Variants in MAP3K4 observed in about 807,000 individuals in gnomAD.
MAP3K4 encodes mitogen-activated protein kinase kinase kinase 4, also known as MAP three kinase 1.
A neutral mutation model predicts 185.6 loss-of-function variants in MAP3K4; 67 were observed. That is an observed-to-expected ratio of 0.36 (90% CI 0.30 to 0.44). The LOEUF (loss-of-function observed/expected upper bound fraction) is 0.44, where lower values mean the gene tolerates loss of function less well. MAP3K4 is among the 20% of genes least tolerant of loss of function. MAP3K4 has a pLI of 1.00. For missense variants in MAP3K4, 1,551 were observed against 1,995.1 expected, an observed-to-expected ratio of 0.78 and a Z score of 4.24; for synonymous variants, 702 against 710.4, an observed-to-expected ratio of 0.99 and a Z score of 0.19.
At position 161,097,271 on chromosome 6, in the gene MAP3K4, A is replaced by G. The variant is rs1777615212; in HGVS notation, c.3524+95A>G. ...CTACTAGATGCTTGCTCTGAGAGCT[A>G]AATACCTTTTCTGCATTGTTCGTAC... On this transcript the variant is annotated intron_variant, in intron 16 of 26. Coordinates refer to ENST00000392142, the MANE Select transcript of MAP3K4 (RefSeq NM_005922.4). The surrounding 1 kb of genome is among the most constrained non-coding windows in gnomAD (Gnocchi z 4.9). 1.9e-5 allele frequency: 19 copies of G among 1,014,784 alleles called. No individual in the cohort carries two copies. In the South Asian group the frequency reaches 2.6e-4, roughly 14 times the overall value. 62.9% of individuals were successfully genotyped at this position (1,014,784 alleles called of 1,614,324 possible). A position where few individuals can be genotyped will look rare whatever the true frequency, so the allele number is the denominator to read the frequency against.
Position 161,101,721 on chromosome 6 carries a change from A to G in MAP3K4, c.3675-171A>G. 1 of 586,338 alleles carries G rather than the reference A, an allele frequency of 1.7e-6. No individual in the cohort carries two copies. Among genetic ancestry groups the G allele is most frequent in the South Asian group, 2.0e-5 (1 of 50,250 alleles). The allele number at this position is 586,338 out of a possible 1,614,324, so 36.3% of individuals were successfully genotyped here. ...TCCTGTGCGTTTTCCGCTGCCCACT[A>G]GATGCCAGTAGCACCCTCCCAAAAG... is the stretch of plus-strand genomic sequence containing the variant. On this transcript the variant is annotated intron_variant, in intron 17 of 26. Coordinates refer to ENST00000392142, the MANE Select transcript of MAP3K4 (RefSeq NM_005922.4). The surrounding 1 kb of genome is among the most constrained non-coding windows in gnomAD (Gnocchi z 5.1).
intron 2 of MAP3K4, among the ~76,000 whole-genome samples, chr6:161,042,657 T>C (rs1783526279): frequency 6.6e-6 from 1 of 152,190 alleles, no homozygotes; most frequent in Non-Finnish European, 1.5e-5. Context: ...AGTCAAACCA[T>C]TTTTTTCCTT....
rs1212087282 is a variant in MAP3K4, at chr6:161,100,077, T to C, written c.3674+1650T>C. Among the ~76,000 whole-genome samples the C allele has an allele frequency of 1.3e-5, 2 of 152,210 alleles. No homozygotes were observed. Among genetic ancestry groups the C allele is most frequent in the East Asian group, 3.8e-4 (2 of 5,200 alleles). On this transcript the variant is annotated intron_variant, in intron 17 of 26. Transcript: ENST00000392142. This position sits in a 1 kb window ranked among gnomAD's most constrained non-coding sequence, Gnocchi z 5.8. ...CCGTCTGTGTGTGTGAGATGGTAGG[T>C]AGAGAAGAGCACAGCCACGTGAAGA...
chr6:161,092,340 T>G (rs1222200131), intron 13 of MAP3K4, among the ~76,000 whole-genome samples, 197 bp downstream of exon 13: 4 of 152,154 alleles, frequency 2.6e-5, no homozygotes, highest in African/African-American at 9.7e-5. Context: ...TTTTTTAAAT[T>G]TGTTCCAAAT....
chr6:161,069,980 G>A (rs563132768), intron 3 of MAP3K4, among the ~76,000 whole-genome samples: 2 of 152,112 alleles, frequency 1.3e-5, no homozygotes, highest in Non-Finnish European at 2.9e-5. Context: ...TAAAAGAACG[G>A]GGGTGGGGGC....
At position 161,082,049 on chromosome 6, in the gene MAP3K4, C is replaced by G. The variant is rs1211183862; in HGVS notation, c.2255+1011C>G. On this transcript the variant is annotated intron_variant, in intron 6 of 26. Coordinates refer to ENST00000392142, the MANE Select transcript of MAP3K4 (RefSeq NM_005922.4). This position sits in a 1 kb window ranked among gnomAD's most constrained non-coding sequence, Gnocchi z 4.2. ...TCTGCCGATTTCTCCTATGTTCAGT[C>G]TCGGAATCTCGTATCCACTTCTCTG... Among the ~76,000 whole-genome samples the G allele has an allele frequency of 2.0e-5, 3 of 151,982 alleles. No individual in the cohort carries two copies. In the East Asian group the frequency reaches 5.8e-4, roughly 29 times the overall value.
Position 161,106,427 on chromosome 6 carries a change from A to T in MAP3K4, c.3857-87A>T. On this transcript the variant is annotated intron_variant, in intron 19 of 26. Transcript: ENST00000392142. The surrounding 1 kb of genome is among the most constrained non-coding windows in gnomAD (Gnocchi z 4.9). ...CTTTGCTGTAATGGAGTGCTAATAT[A>T]TATTGCTCTATTTTTATTGGTTTGT... 1 of 882,502 alleles carries T rather than the reference A, an allele frequency of 1.1e-6. No homozygotes were observed. Among genetic ancestry groups the T allele is most frequent in the South Asian group, 1.8e-5 (1 of 56,682 alleles). 54.7% of individuals were successfully genotyped at this position (882,502 alleles called of 1,614,324 possible).
chr6:161,041,463 G>A (rs1783446951), intron 2 of MAP3K4, among the ~76,000 whole-genome samples: 1 of 152,194 alleles, frequency 6.6e-6, no homozygotes, highest in Non-Finnish European at 1.5e-5. Context: ...CCTGAGATAC[G>A]GCCATTTGCA....
rs182721045 is a variant in MAP3K4, at chr6:161,070,539, T to G, written c.1708-69T>G. ...TAGCACATTGTAGAGAATAAGAGTTTATAACCACAACCGTAGAACGTTGTC... is the reference window on the plus strand; with the variant it reads ...TAGCACATTGTAGAGAATAAGAGTTGATAACCACAACCGTAGAACGTTGTC... On this transcript the variant is annotated intron_variant, in intron 3 of 26. Transcript: ENST00000392142. The surrounding 1 kb of genome is among the most constrained non-coding windows in gnomAD (Gnocchi z 4.5). The G allele has an allele frequency of 4.0e-5, 57 of 1,409,606 alleles. No homozygotes were observed. In the East Asian group the frequency reaches 8.1e-4, roughly 20 times the overall value. 87.3% of individuals were successfully genotyped at this position (1,409,606 alleles called of 1,614,324 possible).
At chr6:161,045,099 T>C (rs1395442333) in intron 2 of MAP3K4, among the ~76,000 whole-genome samples, 1 of 152,160 alleles carries the variant, frequency 6.6e-6, no homozygotes, top group African/African-American at 2.4e-5. Context: ...GGTATATCCT[T>C]TTTGCACAGT....
At chr6:161,102,837 T>C in intron 19 of MAP3K4, 58 bp downstream of exon 19, 1 of 1,150,600 alleles carries the variant, frequency 8.7e-7, no homozygotes, top group Non-Finnish European at 1.2e-6. Context: ...CGATTACACA[T>C]AAGGGGAGCA....
rs762598801 is a variant in MAP3K4, at chr6:161,080,945, G to A, written c.2162G>A (p.Ser721Asn). ...CAGCAATTACCTCAAGCATCGCATA[G>A]TTTAAAAAATCTGTTAGAAGAAGAA... is the stretch of plus-strand genomic sequence containing the variant. Reference protein sequence around the residue: ...MLQQLPQASHSLKNLLEEEWN... With the variant: ...MLQQLPQASHNLKNLLEEEWN... The change falls in exon 6 of 27, where the codon AGT becomes AAT. Residue 721 changes from serine to asparagine, a missense_variant. Ser to Asn is a conservative substitution (Grantham distance 46, BLOSUM62 1). Coordinates refer to ENST00000392142, the MANE Select transcript of MAP3K4 (RefSeq NM_005922.4). The surrounding 1 kb of genome is among the most constrained non-coding windows in gnomAD (Gnocchi z 4.8). 5.6e-6 allele frequency: 9 copies of A among 1,614,164 alleles called. No individual in the cohort carries two copies. The highest frequency in any genetic ancestry group is 5.9e-6 in the Non-Finnish European group (7 of 1,180,012).
intron 1 of MAP3K4, among the ~76,000 whole-genome samples, chr6:161,000,838 CAT>C (rs558019261): frequency 6.9e-5 from 10 of 144,102 alleles, no homozygotes; most frequent in African/African-American, 1.1e-4. Flanking sequence ...CACACATACA[CAT>C]GTGTACGCAC....
At chr6:161,014,684 A>G (rs1168419760) in intron 1 of MAP3K4, among the ~76,000 whole-genome samples, 1 of 152,204 alleles carries the variant, frequency 6.6e-6, no homozygotes, top group South Asian at 2.1e-4. Flanking sequence ...TGGAATTGGA[A>G]TTCACATGGA....
intron 1 of MAP3K4, among the ~76,000 whole-genome samples, chr6:161,025,656 A>G (rs914153840): frequency 1.3e-5 from 2 of 152,248 alleles, no homozygotes; most frequent in African/African-American, 4.8e-5. Flanking sequence ...AAGAATGCCA[A>G]TGATATAGAA....
Position 161,098,365 on chromosome 6 carries a change from G to T in MAP3K4, c.3612G>T (p.Arg1204=). 6.2e-7 allele frequency: 1 copy of T among 1,613,512 alleles called. No individual in the cohort carries two copies. ...CTGCTGCTGCTGTTGCTGCCAGTCG[G>T]CCCAGCCCCTCTGGTGGTGACTCTG... ...AAAAAAVAAS[R]PSPSGGDSVL... Residue 1204 remains arginine, a synonymous_variant, in exon 17 of 27, where the codon CGG becomes CGT. Coordinates refer to ENST00000392142, the MANE Select transcript of MAP3K4 (RefSeq NM_005922.4). The surrounding 1 kb of genome is among the most constrained non-coding windows in gnomAD (Gnocchi z 4.4).
chr6:161,042,965 GGT>G (rs374290202), intron 2 of MAP3K4, among the ~76,000 whole-genome samples: 1 of 151,292 alleles, frequency 6.6e-6, no homozygotes, highest in Admixed American at 6.6e-5. Flanking sequence ...AATATCTCAA[GGT>G]GTGTGTGTGT....
At position 161,053,682 on chromosome 6, in the gene MAP3K4, C is replaced by G. The variant is rs182739930; in HGVS notation, c.1707+3703C>G. Among the ~76,000 whole-genome samples, 1 of 150,362 alleles carries G rather than the reference C, an allele frequency of 6.7e-6. No homozygotes were observed. Among genetic ancestry groups the G allele is most frequent in the Non-Finnish European group, 1.5e-5 (1 of 67,452 alleles). ...TCTCGGCTCACTGCAACCTCTGTCT[C>G]CCGGGTTCAGGCAATTCTCCTGTCT... is the stretch of plus-strand genomic sequence containing the variant. On this transcript the variant is annotated intron_variant, in intron 3 of 26. Transcript: ENST00000392142. This position sits in a 1 kb window ranked among gnomAD's most constrained non-coding sequence, Gnocchi z 4.2.
intron 1 of MAP3K4, among the ~76,000 whole-genome samples, chr6:160,994,265 C>G (rs996340876): frequency 4.6e-5 from 7 of 151,936 alleles, no homozygotes; most frequent in African/African-American, 1.7e-4. Context: ...TACACTGTAC[C>G]AAATATGTAG....
Sources: allele counts gnomAD v4.1 joint callset (sites outside exome capture counted in the v4.1 genomes callset), GRCh38; gene constraint gnomAD v4.1.1; non-coding constraint Gnocchi (gnomAD v3.1); transcripts MANE v1.5; gene names NCBI Gene and HGNC (gene_info 2026-07-23, HGNC 2026-07-21).